Variants in ALS2 observed in about 807,000 individuals in gnomAD.
ALS2 encodes the protein alsin Rho guanine nucleotide exchange factor ALS2.
A neutral mutation model predicts 203.4 loss-of-function variants in ALS2; 117 were observed. The ratio of observed to expected loss-of-function variants is 0.58; its 90% confidence interval spans 0.50 to 0.67. The LOEUF (loss-of-function observed/expected upper bound fraction) is 0.67. ALS2 is among the 30% of genes least tolerant of loss of function. The pLI is 0.00. For synonymous variants in ALS2, 718 were observed against 725.9 expected, an observed-to-expected ratio of 0.99 and a Z score of 0.17; for missense variants, 1,715 against 1,989.4, an observed-to-expected ratio of 0.86 and a Z score of 2.62.
At chr2:201,708,663 A>G (rs1689868992) in intron 27 of ALS2, among the ~76,000 whole-genome samples, 1 of 152,200 alleles carries the variant, frequency 6.6e-6, no homozygotes, top group Non-Finnish European at 1.5e-5. Flanking sequence ...CAAATGATCA[A>G]GGGGATAAAT....
At chr2:201,729,879 CAAAAAAAAAAAA>C (rs35065446) in intron 13 of ALS2, among the ~76,000 whole-genome samples, 1 of 75,218 alleles carries the variant, frequency 1.3e-5, no homozygotes, top group Admixed American at 1.9e-4. Context: ...GACTCCGTCT[CAAAAAAAAAAAA>C]AAAAAAAAAA....
intron 8 of ALS2, among the ~76,000 whole-genome samples, chr2:201,749,295 T>C (rs192546034): frequency 6.6e-6 from 1 of 152,320 alleles, no homozygotes; most frequent in Non-Finnish European, 1.5e-5. Flanking sequence ...AATGTTTTAC[T>C]ACTCTGCATG....
At chr2:201,777,809 A>G (rs1283928393) in intron 1 of ALS2, among the ~76,000 whole-genome samples, 1 of 152,156 alleles carries the variant, frequency 6.6e-6, no homozygotes, top group African/African-American at 2.4e-5. Context: ...TTACTGTATA[A>G]ATCCTTTAGC....
Position 201,741,380 on chromosome 2 carries a change from ATTG to A in ALS2, c.2351+291_2351+293del. ...AGTACAATTTAGTTAAGTAAACAAAATTGTTTTCTAAAGAACCAGACTTATTAT... is the reference window on the plus strand; with the variant it reads ...AGTACAATTTAGTTAAGTAAACAAAATTTTCTAAAGAACCAGACTTATTAT... On this transcript the variant is annotated intron_variant, in intron 11 of 33. Transcript: ENST00000264276. 4 of 302,916 alleles carry A rather than the reference ATTG, an allele frequency of 1.3e-5. No homozygotes were observed. In the South Asian group the frequency reaches 1.5e-4, roughly 11 times the overall value. The allele number at this position is 302,916 out of a possible 1,614,324, so 18.8% of individuals were successfully genotyped here.
intron 14 of ALS2, 45 bp downstream of exon 14, chr2:201,729,007 G>A: frequency 6.2e-7 from 1 of 1,613,640 alleles, no homozygotes; most frequent in Non-Finnish European, 8.5e-7. Flanking sequence ...TTATCGAAAT[G>A]GTTGCTGTTT....
intron 16 of ALS2, 124 bp downstream of exon 16, chr2:201,727,581 G>C: frequency 1.2e-6 from 1 of 839,702 alleles, no homozygotes; most frequent in Non-Finnish European, 2.0e-6. Flanking sequence ...GCTGAGAGGT[G>C]GGCCTCATTA....
At chr2:201,724,939 C>T (rs553358437) in intron 20 of ALS2, among the ~76,000 whole-genome samples, 1 of 151,938 alleles carries the variant, frequency 6.6e-6, no homozygotes, top group Non-Finnish European at 1.5e-5. Context: ...CGGTGAAACC[C>T]TGTCTCTACT....
intron 24 of ALS2, among the ~76,000 whole-genome samples, chr2:201,717,163 C>T (rs1051781642): frequency 6.6e-6 from 1 of 151,784 alleles, no homozygotes; most frequent in Non-Finnish European, 1.5e-5. Flanking sequence ...GTACAGATTC[C>T]ATTTAAGAAT....
intron 25 of ALS2, among the ~76,000 whole-genome samples, chr2:201,715,447 T>G (rs1419316121): frequency 1.3e-5 from 2 of 152,264 alleles, no homozygotes. Context: ...ATCTACTTGT[T>G]GATATTTACT....
intron 24 of ALS2, among the ~76,000 whole-genome samples, chr2:201,717,169 A>C (rs1184355624): frequency 1.3e-5 from 2 of 152,066 alleles, no homozygotes; most frequent in African/African-American, 4.8e-5. Context: ...ATTCCATTTA[A>C]GAATGCTCTT....
At chr2:201,704,257 T>C in intron 32 of ALS2, 39 bp from the exon 33 acceptor site, 1 of 1,567,592 alleles carries the variant, frequency 6.4e-7, no homozygotes, top group Non-Finnish European at 8.8e-7. Context: ...TATTTTCACT[T>C]ACATGTCCAT....
intron 10 of ALS2, 109 bp from the exon 11 acceptor site, chr2:201,741,963 G>T: frequency 9.6e-7 from 1 of 1,036,348 alleles, no homozygotes; most frequent in Non-Finnish European, 1.4e-6. Flanking sequence ...CTGTTGCCAT[G>T]TGCTCTCAAC....
chr2:201,732,452 C>CA (rs370655338), intron 13 of ALS2, among the ~76,000 whole-genome samples: 1 of 150,726 alleles, frequency 6.6e-6, no homozygotes, highest in African/African-American at 2.4e-5. Context: ...CCTGTAATCT[C>CA]AGCTACTCAG....
chr2:201,774,474 C>T (rs1405208887), intron 1 of ALS2, among the ~76,000 whole-genome samples: 4 of 152,206 alleles, frequency 2.6e-5, no homozygotes, highest in Admixed American at 6.5e-5. Context: ...TATTTTATCC[C>T]ACCCTGCTAT....
intron 33 of ALS2, among the ~76,000 whole-genome samples, 192 bp downstream of exon 33, chr2:201,703,930 T>C (rs1029019175): frequency 2.6e-5 from 4 of 152,212 alleles, no homozygotes; most frequent in Non-Finnish European, 5.9e-5. Context: ...CTTTAGTATT[T>C]TGAGGAACAA....
intron 13 of ALS2, among the ~76,000 whole-genome samples, chr2:201,729,897 A>AC (rs969567769): frequency 4.7e-5 from 7 of 150,088 alleles, no homozygotes; most frequent in African/African-American, 1.5e-4. Flanking sequence ...AAAAAAAAAA[A>AC]AAAAAACAAC....
Position 201,761,194 on chromosome 2 carries a change from T to A in ALS2, c.800A>T (p.Gln267Leu). The A allele has an allele frequency of 5.0e-6, 8 of 1,614,142 alleles. No homozygotes were observed. The highest frequency in any genetic ancestry group is 6.8e-6 in the Non-Finnish European group (8 of 1,179,978). Residue 267 changes from glutamine to leucine, a missense_variant, in exon 4 of 34, where the codon CAG (glutamine) becomes CTG (leucine). Coordinates refer to ENST00000264276, the MANE Select transcript of ALS2 (RefSeq NM_020919.4). The part of the protein sequence containing the change: ...CPLGVTLTES[Q>L]AENHASTALS... Reference sequence around the variant, plus strand: ...AGCAGTGCTGGCATGGTTTTCTGCCTGAGATTCTGTCAGTGTCACACCTAA... The same window carrying A: ...AGCAGTGCTGGCATGGTTTTCTGCCAGAGATTCTGTCAGTGTCACACCTAA...
rs982090242 is a variant in ALS2 at position 201,767,214 on chromosome 2, C to A, written c.175+15G>T. 6.2e-7 allele frequency: 1 copy of A among 1,613,870 alleles called. No individual in the cohort carries two copies. Among genetic ancestry groups the A allele is most frequent in the African/African-American group, 1.3e-5 (1 of 74,912 alleles). On this transcript the variant is annotated intron_variant, in intron 3 of 33. Transcript: ENST00000264276. ...GCATTGCAGTTCGTATTTGTTACGC[C>A]ATTCTTTTCATTACCTTCAGTCAGA...
intron 3 of ALS2, among the ~76,000 whole-genome samples, chr2:201,764,473 T>TCC (rs1229232874): frequency 1.5e-5 from 2 of 136,528 alleles, no homozygotes; most frequent in African/African-American, 5.5e-5. Flanking sequence ...CTACTAAAAA[T>TCC]ACAAAAAAAA....
Sources: allele counts gnomAD v4.1 joint callset (sites outside exome capture counted in the v4.1 genomes callset), GRCh38; gene constraint gnomAD v4.1.1; transcripts MANE v1.5; gene names NCBI Gene and HGNC (gene_info 2026-07-23, HGNC 2026-07-21).